The following NUP153 variants were observed in gnomAD, a reference collection of about 807,000 sequenced individuals.
NUP153 encodes nuclear pore complex protein Nup153.
In NUP153, 27 loss-of-function variants were observed where a neutral mutation model predicts 134.6. The observed-to-expected ratio is 0.20, with a 90% CI of 0.15 to 0.28. NUP153 has a LOEUF of 0.28. NUP153 is among the 10% of genes least tolerant of loss of function. The pLI, the probability that NUP153 is intolerant of heterozygous loss-of-function variation, is 1.00. For missense variants in NUP153, 1,821 were observed against 1,731.3 expected, an observed-to-expected ratio of 1.05 and a Z score of -0.92; for synonymous variants, 640 against 623.5, an observed-to-expected ratio of 1.03 and a Z score of -0.40.
chr6:17,669,715 T>C (rs750818803), intron 5 of NUP153, among the ~76,000 whole-genome samples, 169 bp from the exon 6 acceptor site: 23 of 152,218 alleles, frequency 1.5e-4, no homozygotes, highest in Non-Finnish European at 3.1e-4. Context: ...TTTTTTTCTT[T>C]ATGCCTTTAC....
intron 2 of NUP153, among the ~76,000 whole-genome samples, chr6:17,678,947 TAAAAA>T (rs58870324): frequency 7.0e-6 from 1 of 142,596 alleles, no homozygotes; most frequent in Admixed American, 7.0e-5. Flanking sequence ...CTATCTCATT[TAAAAA>T]AAAAAAAAAA....
chr6:17,654,366 G>A (rs1411339241), intron 11 of NUP153, among the ~76,000 whole-genome samples: 1 of 151,470 alleles, frequency 6.6e-6, no homozygotes. Flanking sequence ...TTGTTGCCCG[G>A]GCCGGACTGC....
chr6:17,617,506 G>A (rs1346031690), intron 20 of NUP153, among the ~76,000 whole-genome samples: 1 of 142,750 alleles, frequency 7.0e-6, no homozygotes, highest in Non-Finnish European at 1.5e-5. Context: ...AGTATGTTTA[G>A]AAGCAGATAC....
Position 17,661,726 on chromosome 6 carries a change from C to T in NUP153, c.1322G>A (p.Gly441Glu). 1 of 1,613,896 alleles carries T rather than the reference C, an allele frequency of 6.2e-7. No individual in the cohort carries two copies. The highest frequency in any genetic ancestry group is 1.7e-5 in the Admixed American group (1 of 59,984). The change falls in exon 11 of 22, where the codon GGA becomes GAA. Residue 441 changes from glycine to glutamate, a missense_variant. By Grantham distance (98) the Gly-to-Glu change is moderately conservative (BLOSUM62 -2). Coordinates refer to ENST00000262077, the MANE Select transcript of NUP153 (RefSeq NM_005124.4). ...SLPAANGLSS[G>E]VGGGGGKMRR... ...CATCTTGCCACCTCCACCACCTACTCCAGAAGATAAACCATTGGCTGCAGG... is the reference window on the plus strand; with the variant it reads ...CATCTTGCCACCTCCACCACCTACTTCAGAAGATAAACCATTGGCTGCAGG...
Position 17,632,668 on chromosome 6 carries a change from T to C in NUP153, c.2641A>G (p.Thr881Ala), listed in dbSNP as rs765072411. 2 of 1,608,758 alleles carry C rather than the reference T, an allele frequency of 1.2e-6. No individual in the cohort carries two copies. Among genetic ancestry groups the C allele is most frequent in the Admixed American group, 1.7e-5 (1 of 58,886 alleles). The stretch of plus-strand genomic sequence containing the variant: ...GCCTTACCTTTAAACCCAGATTTTG[T>C]GCCTGGCTTTGCACTTTCACATGCC... ...CLACESAKPG[T>A]KSGFKGFDTS... The change falls in exon 17 of 22, where the codon ACA becomes GCA. Residue 881 changes from threonine (T) to alanine (A), a missense_variant. Transcript: ENST00000262077.
chr6:17,656,974 G>C (rs1376144857), intron 11 of NUP153, among the ~76,000 whole-genome samples: 2 of 152,178 alleles, frequency 1.3e-5, no homozygotes, highest in African/African-American at 4.8e-5. Flanking sequence ...TATCTTGCAA[G>C]TGGAGAGGGC....
At chr6:17,662,887 T>C (rs945310951) in intron 9 of NUP153, among the ~76,000 whole-genome samples, 1 of 152,164 alleles carries the variant, frequency 6.6e-6, no homozygotes, top group Non-Finnish European at 1.5e-5. Flanking sequence ...CTGGCTTCTA[T>C]ACTTCAAAAT....
chr6:17,640,842 T>TA (rs896162488), intron 14 of NUP153, among the ~76,000 whole-genome samples: 1 of 152,046 alleles, frequency 6.6e-6, no homozygotes, highest in Admixed American at 6.6e-5. Context: ...AGACTGGTCT[T>TA]AAACTCCTGG....
chr6:17,665,971 G>C (rs1767508643), intron 8 of NUP153, among the ~76,000 whole-genome samples: 1 of 150,396 alleles, frequency 6.6e-6, no homozygotes, highest in Non-Finnish European at 1.5e-5. Context: ...TTACAGACAT[G>C]AGGCAACTCA....
rs746471079 is a variant in NUP153, at chr6:17,675,803, C to T, written c.335-33G>A. 5 of 1,593,612 alleles carry T rather than the reference C, an allele frequency of 3.1e-6. No homozygotes were observed. In the African/African-American group the frequency reaches 6.7e-5, roughly 21 times the overall value. On this transcript the variant is annotated intron_variant, in intron 2 of 21. Coordinates refer to ENST00000262077, the MANE Select transcript of NUP153 (RefSeq NM_005124.4). This position sits in a 1 kb window ranked among gnomAD's most constrained non-coding sequence, Gnocchi z 4.4. ...GAAAAGCATTAATATTATGAATATA[C>T]AACTTAGAGCGATACACTACCACAA... is the stretch of plus-strand genomic sequence containing the variant.
intron 16 of NUP153, among the ~76,000 whole-genome samples, chr6:17,633,250 G>A (rs774687570): frequency 6.6e-6 from 1 of 152,144 alleles, no homozygotes; most frequent in Non-Finnish European, 1.5e-5. Flanking sequence ...GACATAAGAT[G>A]TAAATTGTAG....
intron 16 of NUP153, among the ~76,000 whole-genome samples, chr6:17,634,671 A>C (rs1000534783): frequency 1.9e-4 from 29 of 152,196 alleles, no homozygotes; most frequent in Admixed American, 1.2e-3. Context: ...TCCTGACCTC[A>C]GGTGATCTGC....
chr6:17,694,589 G>A (rs1390858743), intron 1 of NUP153, among the ~76,000 whole-genome samples: 9 of 151,932 alleles, frequency 5.9e-5, no homozygotes, highest in African/African-American at 1.2e-4. Flanking sequence ...CCTGGGAGGC[G>A]GAGGTTGCAG....
chr6:17,692,565 A>G (rs1303157965), intron 1 of NUP153, among the ~76,000 whole-genome samples: 1 of 152,214 alleles, frequency 6.6e-6, no homozygotes, highest in Non-Finnish European at 1.5e-5. Context: ...AAGGAAAATA[A>G]TAAAATGGAC....
At position 17,632,225 on chromosome 6, in the gene NUP153, T is replaced by C. The variant is rs551104009; in HGVS notation, c.2659+425A>G. 8.2e-4 allele frequency among the ~76,000 whole-genome samples: 124 copies of C among 151,370 alleles called. 1 individual carries two copies. The highest frequency in any genetic ancestry group is 8.7e-4 in the Non-Finnish European group (59 of 67,798). On this transcript the variant is annotated intron_variant, in intron 17 of 21. Transcript: ENST00000262077. ...GCTGAGGCAGGGAATTGCTTGAACC[T>C]GGGAGGCGGAGATTGCAGTGAGCAG... is the stretch of plus-strand genomic sequence containing the variant.
intron 17 of NUP153, among the ~76,000 whole-genome samples, chr6:17,630,178 A>G (rs187559639): frequency 6.6e-6 from 1 of 152,350 alleles, no homozygotes; most frequent in Admixed American, 6.5e-5. Flanking sequence ...TTTACAAGAA[A>G]CTAACCACAG....
Position 17,687,930 on chromosome 6 carries a change from C to T in NUP153, c.334+466G>A, listed in dbSNP as rs777874849. ...GAGATCGAGACCATCCTGGCTAACACGGTGAAACCCCGTCTCTATAAAAAA... is the reference window on the plus strand; with the variant it reads ...GAGATCGAGACCATCCTGGCTAACATGGTGAAACCCCGTCTCTATAAAAAA... On this transcript the variant is annotated intron_variant, in intron 2 of 21. Coordinates refer to ENST00000262077, the MANE Select transcript of NUP153 (RefSeq NM_005124.4). Among the ~76,000 whole-genome samples the T allele has an allele frequency of 1.4e-4, 22 of 151,796 alleles. No individual in the cohort carries two copies. The South Asian group carries it at 2.1e-3, about 14-fold the overall frequency.
At chr6:17,636,056 G>A (rs114178562) in intron 16 of NUP153, among the ~76,000 whole-genome samples, 5,040 of 152,214 alleles carry the variant, frequency 0.033, 122 homozygotes, top group African/African-American at 0.061. Flanking sequence ...ATTCTAGGCC[G>A]GGCATGGTGG....
At chr6:17,671,569 G>T (rs779956202) in intron 5 of NUP153, among the ~76,000 whole-genome samples, 2 of 152,054 alleles carry the variant, frequency 1.3e-5, no homozygotes, top group African/African-American at 2.4e-5. Context: ...ATATGTTCGA[G>T]ATCTGTATGC....
Sources: allele counts gnomAD v4.1 joint callset (sites outside exome capture counted in the v4.1 genomes callset), GRCh38; gene constraint gnomAD v4.1.1; non-coding constraint Gnocchi (gnomAD v3.1); transcripts MANE v1.5; gene names NCBI Gene and HGNC (gene_info 2026-07-23, HGNC 2026-07-21).